Variants in SPTY2D1 observed in about 807,000 individuals in gnomAD.
SPTY2D1 encodes the protein protein SPT2 homolog.
A neutral mutation model predicts 64.0 loss-of-function variants in SPTY2D1; 21 were observed. The ratio of observed to expected loss-of-function variants is 0.33; its 90% confidence interval spans 0.23 to 0.47. SPTY2D1 has a LOEUF of 0.47. Among genes scored for constraint, SPTY2D1 ranks in the 20% least tolerant of loss-of-function variants. The pLI, the probability that SPTY2D1 is intolerant of heterozygous loss-of-function variation, is 1.00. For synonymous variants in SPTY2D1, 287 were observed against 286.8 expected (o/e 1.00, Z -0.01); for missense variants, 724 against 837.2 (o/e 0.86, Z 1.67).
Position 18,614,641 on chromosome 11 carries a change from T to C in SPTY2D1, c.1633A>G (p.Lys545Glu), listed in dbSNP as rs1854259070. The change falls in exon 3 of 6, where the codon AAG becomes GAG. Residue 545 changes from lysine to glutamate, a missense_variant. Physicochemically the swap from Lys to Glu is moderately conservative, Grantham distance 56 (BLOSUM62 1). Transcript: ENST00000336349. The stretch of plus-strand genomic sequence containing the variant: ...TTGCTGGACCGGCTAATGATATTCT[T>C]GGAAGAAATTGTTTCGGAGACAACA... Reference protein sequence around the residue: ...CTVVSETISSKNIISRSSNGQ... With the variant: ...CTVVSETISSENIISRSSNGQ... The C allele has an allele frequency of 6.2e-7, 1 of 1,614,280 alleles. No individual in the cohort carries two copies. Among genetic ancestry groups the C allele is most frequent in the Non-Finnish European group, 8.5e-7 (1 of 1,180,048 alleles).
At chr11:18,614,215 G>A (rs2134109940) in intron 3 of SPTY2D1, among the ~76,000 whole-genome samples, 1 of 152,288 alleles carries the variant, frequency 6.6e-6, no homozygotes, top group East Asian at 1.9e-4. Context: ...CTGAGCCCCG[G>A]AGTTAGAAAC....
chr11:18,619,462 A>T (rs1854355736), intron 1 of SPTY2D1, among the ~76,000 whole-genome samples: 1 of 151,554 alleles, frequency 6.6e-6, no homozygotes. Flanking sequence ...TCTTTAAAAA[A>T]AAAAAAAAAA....
In SPTY2D1 at chr11:18,608,949, G is replaced by A. The variant is rs1198634104; in HGVS notation, c.*912C>T. 6.7e-6 allele frequency: 1 copy of A among 149,754 alleles called. No homozygotes were observed. The highest frequency in any genetic ancestry group is 1.9e-4 in the East Asian group (1 of 5,198). The allele number at this position is 149,754 out of a possible 1,614,324, so 9.3% of individuals were successfully genotyped here. A position where few individuals can be genotyped will look rare whatever the true frequency, so the allele number is the denominator to read the frequency against. On this transcript the variant is annotated 3_prime_UTR_variant, in exon 6 of 6. Coordinates refer to ENST00000336349, the MANE Select transcript of SPTY2D1 (RefSeq NM_194285.3). ...AGTCATTAATGTCAAGAGGTATGAG[G>A]GCACCTTGGGATTTCAAAATATCTT... is the stretch of plus-strand genomic sequence containing the variant.
intron 1 of SPTY2D1, among the ~76,000 whole-genome samples, chr11:18,631,174 ACT>A (rs367948291): frequency 1.3e-5 from 2 of 152,030 alleles, no homozygotes; most frequent in Middle Eastern, 3.4e-3. Flanking sequence ...ATAGTCCCCA[ACT>A]CTCTCTTTGT....
Position 18,615,504 on chromosome 11 carries a change from G to C in SPTY2D1, c.770C>G (p.Pro257Arg). The change falls in exon 3 of 6, where the codon CCC becomes CGC. Residue 257 changes from proline to arginine, a missense_variant. By Grantham distance (103) the Pro-to-Arg change is moderately radical. Transcript: ENST00000336349. ...TGATTTCTTCTCAGCATGAGGAAGG[G>C]GCATTCCTTTGGAAGAAGGATGCCT... The part of the protein sequence containing the change: ...GDRHPSSKGM[P>R]LPHAEKKSRP... The C allele has an allele frequency of 1.9e-6, 3 of 1,614,128 alleles. No homozygotes were observed. The highest frequency in any genetic ancestry group is 1.7e-5 in the Admixed American group (1 of 60,018).
intron 1 of SPTY2D1, among the ~76,000 whole-genome samples, chr11:18,623,908 C>A (rs574065133): frequency 1.3e-5 from 2 of 152,200 alleles, no homozygotes; most frequent in South Asian, 4.1e-4. Flanking sequence ...GAATAATATT[C>A]CATTGTATAG....
intron 1 of SPTY2D1, among the ~76,000 whole-genome samples, chr11:18,624,443 T>C (rs1247618152): frequency 1.3e-5 from 2 of 152,168 alleles, no homozygotes; most frequent in African/African-American, 4.8e-5. Flanking sequence ...ATCCATTTTA[T>C]TACACTGCAA....
At chr11:18,624,801 C>A (rs1311596014) in intron 1 of SPTY2D1, among the ~76,000 whole-genome samples, 2 of 152,122 alleles carry the variant, frequency 1.3e-5, no homozygotes, top group East Asian at 3.9e-4. Context: ...GAGTTCAACA[C>A]CAGCCTGACC....
Position 18,609,778 on chromosome 11 carries a change from T to C in SPTY2D1, c.*83A>G. The C allele has an allele frequency of 8.0e-7, 1 of 1,250,836 alleles. No individual in the cohort carries two copies. The highest frequency in any genetic ancestry group is 2.1e-5 in the Admixed American group (1 of 48,406). 77.5% of individuals were successfully genotyped at this position (1,250,836 alleles called of 1,614,324 possible). On this transcript the variant is annotated 3_prime_UTR_variant, in exon 6 of 6. Transcript: ENST00000336349. Reference sequence around the variant, plus strand: ...TGAGTACCCAAGTATAAATCTAAAATGATAAGGGGGCTTCTTCAGTCTGAA... The same window carrying C: ...TGAGTACCCAAGTATAAATCTAAAACGATAAGGGGGCTTCTTCAGTCTGAA...
intron 1 of SPTY2D1, among the ~76,000 whole-genome samples, chr11:18,630,392 T>C: frequency 6.6e-6 from 1 of 152,002 alleles, no homozygotes; most frequent in Non-Finnish European, 1.5e-5. Flanking sequence ...GGAGAATCGC[T>C]TGAACCCAGA....
At chr11:18,626,374 C>A (rs1182860000) in intron 1 of SPTY2D1, among the ~76,000 whole-genome samples, 3 of 152,024 alleles carry the variant, frequency 2.0e-5, no homozygotes, top group African/African-American at 7.3e-5. Flanking sequence ...ACATTTGTCT[C>A]CCATCAGACT....
chr11:18,634,094 T>C, intron 1 of SPTY2D1, 104 bp downstream of exon 1: 1 of 1,309,398 alleles, frequency 7.6e-7, no homozygotes, highest in East Asian at 2.3e-5. Context: ...GGGTCTTTCC[T>C]CTCCCGGAGC....
In SPTY2D1 at chr11:18,612,420, C is replaced by T; in HGVS notation, c.1780G>A (p.Asp594Asn). The T allele has an allele frequency of 6.2e-7, 1 of 1,611,084 alleles. No homozygotes were observed. The highest frequency in any genetic ancestry group is 8.5e-7 in the Non-Finnish European group (1 of 1,178,002). ...TCCATTTCAGAGTCGTATTCATCAT[C>T]ATCGTCATCTTCCTCTTCATATTCT... ...QREYEEEDDD[D>N]DEYDSEMEDF... Residue 594 changes from aspartate (D) to asparagine (N), a missense_variant, in exon 4 of 6, where the codon GAT (aspartate) becomes AAT (asparagine). Physicochemically the swap from Asp to Asn is conservative, Grantham distance 23 (BLOSUM62 1). Coordinates refer to ENST00000336349, the MANE Select transcript of SPTY2D1 (RefSeq NM_194285.3). The surrounding 1 kb of genome is among the most constrained non-coding windows in gnomAD (Gnocchi z 4.6).
At position 18,606,582 on chromosome 11, in the gene SPTY2D1, T is replaced by G. The variant is rs959573066; in HGVS notation, c.*3279A>C. 6.7e-6 allele frequency: 2 copies of G among 299,490 alleles called. No homozygotes were observed. Among genetic ancestry groups the G allele is most frequent in the African/African-American group, 4.7e-5 (2 of 42,598 alleles). 18.6% of individuals were successfully genotyped at this position (299,490 alleles called of 1,614,324 possible). ...TAAAAGACAGGATGGATTTAATTAC[T>G]CCAAAGAAATCTCTATCTCACTCTT... On this transcript the variant is annotated 3_prime_UTR_variant, in exon 6 of 6. Coordinates refer to ENST00000336349, the MANE Select transcript of SPTY2D1 (RefSeq NM_194285.3).
intron 1 of SPTY2D1, among the ~76,000 whole-genome samples, chr11:18,620,365 G>A (rs182414687): frequency 1.3e-5 from 2 of 152,042 alleles, no homozygotes; most frequent in African/African-American, 2.4e-5. Flanking sequence ...TGTAGTCCCA[G>A]CCAGTTGGGA....
rs576259668 is a variant in SPTY2D1 at position 18,609,898 on chromosome 11, A to G, written c.2021T>C (p.Met674Thr). ...CAGCTTCTTGGCCCTTCGACGTTGC[A>G]TTTCTTCTTCTTCACGTCTCATTTC... is the stretch of plus-strand genomic sequence containing the variant. ...LEEMRREEEE[M>T]QRRRAKKLKR... The change falls in exon 6 of 6, where the codon ATG becomes ACG. Residue 674 changes from methionine (M) to threonine (T), a missense_variant. This residue lies in a region of SPTY2D1 where 119 missense variants were observed against 172.9 expected (regional missense o/e 0.69). Transcript: ENST00000336349. The G allele has an allele frequency of 4.4e-5, 71 of 1,614,154 alleles. No individual in the cohort carries two copies. The East Asian group carries it at 1.2e-3, about 27-fold the overall frequency.
intron 1 of SPTY2D1, among the ~76,000 whole-genome samples, chr11:18,624,648 G>A (rs534608825): frequency 2.6e-5 from 4 of 152,310 alleles, no homozygotes; most frequent in Middle Eastern, 3.4e-3. Context: ...AGAAAATAAG[G>A]AGACATTAGT....
chr11:18,612,517 A>G lies in SPTY2D1; in HGVS notation c.1712-29T>C. Reference sequence around the variant, plus strand: ...AGAAACCATTATTTATAAGAATATTACAATTTAAAATAGTTCCAATGCAGT... The same window carrying G: ...AGAAACCATTATTTATAAGAATATTGCAATTTAAAATAGTTCCAATGCAGT... On this transcript the variant is annotated intron_variant, in intron 3 of 5. Coordinates refer to ENST00000336349, the MANE Select transcript of SPTY2D1 (RefSeq NM_194285.3). This position sits in a 1 kb window ranked among gnomAD's most constrained non-coding sequence, Gnocchi z 4.6. The G allele has an allele frequency of 6.5e-7, 1 of 1,543,970 alleles. No individual in the cohort carries two copies. The highest frequency in any genetic ancestry group is 8.7e-7 in the Non-Finnish European group (1 of 1,148,158).
At position 18,615,619 on chromosome 11, in the gene SPTY2D1, T is replaced by C. The variant is rs760753184; in HGVS notation, c.655A>G (p.Thr219Ala). Residue 219 changes from threonine to alanine, a missense_variant, in exon 3 of 6, where the codon ACA (threonine) becomes GCA (alanine). Transcript: ENST00000336349. ...ACAGTTGGAGGTAGTTTTCCATCTGTCTCAAGTTTTTTTCTCCTATGCTTT... is the reference window on the plus strand; with the variant it reads ...ACAGTTGGAGGTAGTTTTCCATCTGCCTCAAGTTTTTTTCTCCTATGCTTT... ...ERKHRRKKLETDGKLPPTVSK... is the reference protein window; with the variant it reads ...ERKHRRKKLEADGKLPPTVSK... The C allele has an allele frequency of 2.5e-6, 4 of 1,614,082 alleles. No individual in the cohort carries two copies. In the African/African-American group the frequency reaches 4.0e-5, roughly 16 times the overall value.
Sources: gnomAD v4.1 joint callset for allele counts (sites outside exome capture counted in the v4.1 genomes callset) on GRCh38, gnomAD v4.1.1 for gene constraint, gnomAD v4.1.1 regional missense constraint, Gnocchi (gnomAD v3.1) non-coding constraint, MANE v1.5 for transcripts, NCBI Gene and HGNC (gene_info 2026-07-23, HGNC 2026-07-21) for gene names.